Variants in KCNK10 observed in about 807,000 individuals in gnomAD.
The protein encoded by KCNK10 is potassium two pore domain channel subfamily K member 10.
In KCNK10, 25 loss-of-function variants were observed where a neutral mutation model predicts 47.7. The observed-to-expected ratio is 0.52, with a 90% CI of 0.38 to 0.73. The LOEUF (loss-of-function observed/expected upper bound fraction) is 0.73, where lower values mean the gene tolerates loss of function less well. Among genes scored for constraint, KCNK10 ranks in the 30% least tolerant of loss-of-function variants. The probability of loss-of-function intolerance (pLI) is 0.00; values close to 1 mark genes in which losing one functional copy is unlikely to be tolerated. For missense variants in KCNK10, 563 were observed against 714.5 expected (o/e 0.79, Z 2.42); for synonymous variants, 303 against 285.6 (o/e 1.06, Z -0.61).
At chr14:88,191,282 A>C (rs543962993) in intron 5 of KCNK10, among the ~76,000 whole-genome samples, 17 of 151,142 alleles carry the variant, frequency 1.1e-4, no homozygotes, top group South Asian at 2.1e-4. Context: ...AAAACAAAAA[A>C]AAACAGTCTG....
At chr14:88,292,331 T>G (rs1887896909) in intron 1 of KCNK10, among the ~76,000 whole-genome samples, 1 of 151,978 alleles carries the variant, frequency 6.6e-6, no homozygotes, top group African/African-American at 2.4e-5. Flanking sequence ...AAGGAGAGCT[T>G]TGTGATTTTG....
At chr14:88,207,423 C>G (rs1885317568) in intron 4 of KCNK10, among the ~76,000 whole-genome samples, 1 of 152,148 alleles carries the variant, frequency 6.6e-6, no homozygotes, top group Admixed American at 6.5e-5. Flanking sequence ...ATCCGCCCGC[C>G]TCAGCCTCCC....
At chr14:88,288,384 C>A (rs1020472143) in intron 1 of KCNK10, among the ~76,000 whole-genome samples, 1 of 152,146 alleles carries the variant, frequency 6.6e-6, no homozygotes, top group African/African-American at 2.4e-5. Flanking sequence ...GCTATTCATC[C>A]AGGGCTTGGA....
chr14:88,272,523 C>G (rs1020201700), intron 1 of KCNK10, among the ~76,000 whole-genome samples: 3 of 152,118 alleles, frequency 2.0e-5, no homozygotes, highest in Non-Finnish European at 2.9e-5. Flanking sequence ...ATGAATCAGC[C>G]TGGGGCATTT....
At chr14:88,316,761 T>C (rs1349823584) in intron 1 of KCNK10, among the ~76,000 whole-genome samples, 3 of 152,220 alleles carry the variant, frequency 2.0e-5, no homozygotes, top group Non-Finnish European at 2.9e-5. Flanking sequence ...ATCAGTAGAA[T>C]GGCTTCTTTC....
chr14:88,242,367 TTC>T (rs1259089007), intron 2 of KCNK10, among the ~76,000 whole-genome samples: 1 of 152,230 alleles, frequency 6.6e-6, no homozygotes, highest in African/African-American at 2.4e-5. Flanking sequence ...TTGTATATTT[TTC>T]TTTTTTTAAA....
intron 6 of KCNK10, 27 bp downstream of exon 6, chr14:88,187,940 A>C: frequency 6.2e-7 from 1 of 1,613,340 alleles, no homozygotes; most frequent in Non-Finnish European, 8.5e-7. Flanking sequence ...TCTCAGGAAC[A>C]TTCATAGGGT....
chr14:88,266,267 A>G (rs1359969907), intron 1 of KCNK10, among the ~76,000 whole-genome samples: 1 of 152,156 alleles, frequency 6.6e-6, no homozygotes, highest in Non-Finnish European at 1.5e-5. Context: ...ACAGTTTGGC[A>G]CTCCAGCAAT....
Position 88,288,304 on chromosome 14 carries a change from T to C in KCNK10, c.53-24753A>G, listed in dbSNP as rs1232879791. ...ACATGATTCAAAGAGAAATTTTGTT[T>C]TCACTCATACACATTCACATCCCAA... On this transcript the variant is annotated intron_variant, in intron 1 of 6. Coordinates refer to ENST00000319231, the MANE Select transcript of KCNK10 (RefSeq NM_138317.3). Among the ~76,000 whole-genome samples the C allele has an allele frequency of 3.3e-5, 5 of 152,332 alleles. No homozygotes were observed. The East Asian group carries it at 9.7e-4, about 29-fold the overall frequency.
upstream of KCNK10, among the ~76,000 whole-genome samples, chr14:88,324,235 C>T (rs1281894260): frequency 6.6e-6 from 1 of 152,250 alleles, no homozygotes; most frequent in African/African-American, 2.4e-5. Context: ...GTCTAACGCC[C>T]TCTCACTGCC....
chr14:88,323,241 C>G lies in KCNK10; in HGVS notation c.-443G>C, dbSNP rs1888589747. 1 of 991,258 alleles carries G rather than the reference C, an allele frequency of 1.0e-6. No homozygotes were observed. The highest frequency in any genetic ancestry group is 1.7e-5 in the African/African-American group (1 of 57,262). The allele number at this position is 991,258 out of a possible 1,614,324, so 61.4% of individuals were successfully genotyped here. A position where few individuals can be genotyped will look rare whatever the true frequency, so the allele number is the denominator to read the frequency against. Reference sequence around the variant, plus strand: ...GCGCACACACTCCCGCACACACACACCCGCACACACACTCCCGGGCGCGCG... The same window carrying G: ...GCGCACACACTCCCGCACACACACAGCCGCACACACACTCCCGGGCGCGCG... On this transcript the variant is annotated 5_prime_UTR_variant, in exon 1 of 7. Coordinates refer to ENST00000319231, the MANE Select transcript of KCNK10 (RefSeq NM_138317.3).
At chr14:88,248,004 A>G (rs1595103755) in intron 2 of KCNK10, among the ~76,000 whole-genome samples, 1 of 152,354 alleles carries the variant, frequency 6.6e-6, no homozygotes, top group Middle Eastern at 3.4e-3. Context: ...GATATGATCA[A>G]TAAACTTTCA....
At chr14:88,188,195 G>C in intron 5 of KCNK10, 86 bp from the exon 6 acceptor site, 1 of 1,449,424 alleles carries the variant, frequency 6.9e-7, no homozygotes, top group Non-Finnish European at 9.6e-7. Context: ...TAGTGAAGAC[G>C]TCATCCATCA....
chr14:88,240,739 C>T lies in KCNK10; in HGVS notation c.484G>A (p.Ala162Thr), dbSNP rs1453134914. The change falls in exon 3 of 7, where the codon GCC becomes ACC. Residue 162 changes from alanine (A) to threonine (T), a missense_variant. Coordinates refer to ENST00000319231, the MANE Select transcript of KCNK10 (RefSeq NM_138317.3). ...ATGACAGTTCCAGCAAAGAAAAAGGCACTGCCGAGGTCCCAGTGGCTGCTG... is the reference window on the plus strand; with the variant it reads ...ATGACAGTTCCAGCAAAGAAAAAGGTACTGCCGAGGTCCCAGTGGCTGCTG... ...NNSSHWDLGS[A>T]FFFAGTVITT... is the part of the protein sequence containing the mutation. 1 of 1,613,626 alleles carries T rather than the reference C, an allele frequency of 6.2e-7. No homozygotes were observed. The highest frequency in any genetic ancestry group is 1.1e-5 in the South Asian group (1 of 91,062).
At position 88,185,300 on chromosome 14, in the gene KCNK10, C is replaced by T. The variant is rs1040220818; in HGVS notation, c.*235G>A. 4.9e-5 allele frequency: 27 copies of T among 551,394 alleles called. No individual in the cohort carries two copies. Among genetic ancestry groups the T allele is most frequent in the East Asian group, 1.1e-4 (3 of 27,970 alleles). The allele number at this position is 551,394 out of a possible 1,614,324, so 34.2% of individuals were successfully genotyped here. A position where few individuals can be genotyped will look rare whatever the true frequency, so the allele number is the denominator to read the frequency against. On this transcript the variant is annotated 3_prime_UTR_variant, in exon 7 of 7. Transcript: ENST00000319231. The surrounding 1 kb of genome is among the most constrained non-coding windows in gnomAD (Gnocchi z 4.3). ...TAACATGTACGGCCAGAACCGGCTACGTGCACGGACACTCTTGGTGTGTCC... is the reference window on the plus strand; with the variant it reads ...TAACATGTACGGCCAGAACCGGCTATGTGCACGGACACTCTTGGTGTGTCC...
chr14:88,235,900 T>A (rs2139883788), intron 3 of KCNK10, among the ~76,000 whole-genome samples: 1 of 152,192 alleles, frequency 6.6e-6, no homozygotes, highest in Non-Finnish European at 1.5e-5. Flanking sequence ...ATATTTTAAG[T>A]CACTGAACAA....
chr14:88,256,608 C>G (rs1886962933), intron 2 of KCNK10, among the ~76,000 whole-genome samples: 2 of 152,040 alleles, frequency 1.3e-5, no homozygotes, highest in South Asian at 4.2e-4. Context: ...TGTGAGCAGC[C>G]CAGCCTAGCA....
At chr14:88,205,522 T>TTTTTC (rs1205609940) in intron 4 of KCNK10, among the ~76,000 whole-genome samples, 8 of 150,892 alleles carry the variant, frequency 5.3e-5, no homozygotes, top group Admixed American at 6.6e-5. Context: ...GCACAGTGCA[T>TTTTTC]TTTTCTTTTC....
At chr14:88,306,695 T>C (rs11159853) in intron 1 of KCNK10, among the ~76,000 whole-genome samples, 79,954 of 149,264 alleles carry the variant, frequency 0.54, 24,645 homozygotes, top group Non-Finnish European at 0.7. Context: ...GGAGGGGGCA[T>C]GGGGTAGGAG....
Sources: allele counts gnomAD v4.1 joint callset (sites outside exome capture counted in the v4.1 genomes callset), GRCh38; gene constraint gnomAD v4.1.1; non-coding constraint Gnocchi (gnomAD v3.1); transcripts MANE v1.5; gene names NCBI Gene and HGNC (gene_info 2026-07-23, HGNC 2026-07-21).